VIT: variants seen among roughly 807,000 people sequenced by gnomAD.
The protein encoded by VIT is vitrin.
In VIT, 99 loss-of-function variants were observed where a neutral mutation model predicts 78.0. The observed-to-expected ratio is 1.27, with a 90% CI of 1.08 to 1.50. The LOEUF is 1.50. Ranked by LOEUF, VIT falls within the 40% of genes most tolerant of loss-of-function variation. VIT has a pLI of 0.00. For synonymous variants in VIT, 374 were observed against 334.3 expected, an observed-to-expected ratio of 1.12 and a Z score of -1.29; for missense variants, 1,126 against 875.3, an observed-to-expected ratio of 1.29 and a Z score of -3.61.
chr2:36,782,819 T>C (rs917059552), intron 10 of VIT, among the ~76,000 whole-genome samples: 2 of 152,200 alleles, frequency 1.3e-5, no homozygotes, highest in African/African-American at 2.4e-5. Flanking sequence ...TTTTAAGCCC[T>C]CTTATGTGAG....
intron 4 of VIT, among the ~76,000 whole-genome samples, chr2:36,750,713 C>T (rs1249451039): frequency 1.3e-5 from 2 of 151,246 alleles, no homozygotes; most frequent in Non-Finnish European, 2.9e-5. Flanking sequence ...CCCAGCTACT[C>T]GGGAGGCTGA....
intron 7 of VIT, among the ~76,000 whole-genome samples, chr2:36,770,897 G>A (rs1273535347): frequency 1.3e-5 from 2 of 152,196 alleles, no homozygotes; most frequent in African/African-American, 4.8e-5. Flanking sequence ...GCCGCCTAGT[G>A]GCAGGGAATA....
rs535295127 is a variant in VIT at position 36,803,591 on chromosome 2, T to C, written c.1163-1847T>C. Among the ~76,000 whole-genome samples the C allele has an allele frequency of 8.5e-5, 13 of 152,316 alleles. No individual in the cohort carries two copies. In the South Asian group the frequency reaches 2.7e-3, roughly 32 times the overall value. On this transcript the variant is annotated intron_variant, in intron 13 of 15. Coordinates refer to ENST00000379242, the MANE Select transcript of VIT (RefSeq NM_053276.4). ...GTCCATTGGCTATAAAAGCAATTCT[T>C]AGCAGCCAAGGTTTTTCCTTAGCAA...
At chr2:36,757,094 A>T (rs1668811881) in intron 5 of VIT, among the ~76,000 whole-genome samples, 1 of 152,194 alleles carries the variant, frequency 6.6e-6, no homozygotes, top group Non-Finnish European at 1.5e-5. Flanking sequence ...ATGAGTTAGG[A>T]GCTCACTGCA....
chr2:36,811,873 A>G (rs953120398), intron 15 of VIT, among the ~76,000 whole-genome samples: 8 of 151,854 alleles, frequency 5.3e-5, no homozygotes, highest in Admixed American at 5.2e-4. Context: ...ACGGAGTTTC[A>G]CCATGTTGGC....
At chr2:36,784,508 A>G (rs1664964472) in intron 11 of VIT, among the ~76,000 whole-genome samples, 1 of 152,200 alleles carries the variant, frequency 6.6e-6, no homozygotes, top group Non-Finnish European at 1.5e-5. Context: ...AGTGAATCCC[A>G]GGAGTCTTCA....
chr2:36,802,465 G>C (rs570002528), intron 13 of VIT, among the ~76,000 whole-genome samples: 2 of 152,190 alleles, frequency 1.3e-5, no homozygotes, highest in Admixed American at 6.5e-5. Flanking sequence ...TCCGATTAAA[G>C]ATTTCCCTTC....
At chr2:36,731,780 C>A (rs985148635) in intron 3 of VIT, among the ~76,000 whole-genome samples, 1 of 152,264 alleles carries the variant, frequency 6.6e-6, no homozygotes, top group Non-Finnish European at 1.5e-5. Context: ...TTATAAAGAA[C>A]CATAAAAAAG....
At chr2:36,779,324 C>G (rs987185664) in intron 9 of VIT, among the ~76,000 whole-genome samples, 1 of 152,240 alleles carries the variant, frequency 6.6e-6, no homozygotes, top group Non-Finnish European at 1.5e-5. Context: ...CTGCACCTAA[C>G]TCACTGGATG....
At chr2:36,781,860 CG>C in intron 10 of VIT, 89 bp downstream of exon 10, 1 of 1,501,194 alleles carries the variant, frequency 6.7e-7, no homozygotes, top group East Asian at 2.3e-5. Flanking sequence ...GCTGGCATAG[CG>C]GCCGAGCTCC....
chr2:36,736,051 T>A (rs1175311130), intron 3 of VIT, among the ~76,000 whole-genome samples: 1 of 152,138 alleles, frequency 6.6e-6, no homozygotes, highest in African/African-American at 2.4e-5. Flanking sequence ...TTTTATCACT[T>A]TATTTTTAGA....
chr2:36,747,743 C>T (rs367614737), intron 4 of VIT, among the ~76,000 whole-genome samples: 1 of 152,228 alleles, frequency 6.6e-6, no homozygotes, highest in Admixed American at 6.5e-5. Context: ...GCATTTAGAC[C>T]ATTTACATTC....
intron 12 of VIT, among the ~76,000 whole-genome samples, chr2:36,789,389 A>T (rs1489851504): frequency 6.6e-6 from 1 of 152,196 alleles, no homozygotes; most frequent in Non-Finnish European, 1.5e-5. Context: ...TGAATGTGGG[A>T]CTAACAGACC....
intron 7 of VIT, among the ~76,000 whole-genome samples, chr2:36,772,562 C>G (rs937493084): frequency 3.3e-5 from 5 of 151,740 alleles, no homozygotes; most frequent in Admixed American, 3.3e-4. Flanking sequence ...AAAAACTTAG[C>G]AGAGCATGGT....
intron 11 of VIT, among the ~76,000 whole-genome samples, chr2:36,786,313 G>C (rs1474339014): frequency 1.3e-5 from 2 of 152,182 alleles, no homozygotes; most frequent in Admixed American, 1.3e-4. Flanking sequence ...TGAATAGTCA[G>C]TTTTATACTG....
intron 6 of VIT, among the ~76,000 whole-genome samples, chr2:36,761,749 G>T (rs1347457073): frequency 6.6e-6 from 1 of 151,544 alleles, no homozygotes; most frequent in Non-Finnish European, 1.5e-5. Flanking sequence ...AAAAAAAAAA[G>T]AAAAAAGAAA....
intron 3 of VIT, among the ~76,000 whole-genome samples, chr2:36,730,444 C>T (rs374319984): frequency 7.9e-5 from 12 of 152,312 alleles, no homozygotes; most frequent in South Asian, 2.1e-4. Context: ...ATTTTCCATG[C>T]GGCTCCCAAT....
intron 9 of VIT, among the ~76,000 whole-genome samples, chr2:36,775,585 T>C (rs1018805171): frequency 6.6e-6 from 1 of 152,216 alleles, no homozygotes; most frequent in African/African-American, 2.4e-5. Context: ...TCCAGTTCTA[T>C]AGCTCTGGGA....
chr2:36,712,759 C>G (rs369636395), intron 1 of VIT, among the ~76,000 whole-genome samples: 2 of 152,192 alleles, frequency 1.3e-5, no homozygotes, highest in African/African-American at 4.8e-5. Flanking sequence ...TGCTTGAACC[C>G]GGGAGGTGGA....
Sources: allele counts gnomAD v4.1 joint callset (sites outside exome capture counted in the v4.1 genomes callset), GRCh38; gene constraint gnomAD v4.1.1; transcripts MANE v1.5; gene names NCBI Gene and HGNC (gene_info 2026-07-23, HGNC 2026-07-21).